The following TRABD2B variants were observed in gnomAD, a reference collection of about 807,000 sequenced individuals.
TRABD2B encodes the protein TraB domain containing 2B.
In TRABD2B, 14 loss-of-function variants were observed where a neutral mutation model predicts 40.1. That is an observed-to-expected ratio of 0.35 (90% confidence interval 0.23 to 0.55). The LOEUF (loss-of-function observed/expected upper bound fraction) is 0.55. Among genes scored for constraint, TRABD2B ranks in the 20% least tolerant of loss-of-function variants. The pLI is 0.90. For synonymous variants in TRABD2B, 263 were observed against 277.0 expected, an observed-to-expected ratio of 0.95 and a Z score of 0.50; for missense variants, 541 against 648.6, an observed-to-expected ratio of 0.83 and a Z score of 1.80.
intron 4 of TRABD2B, among the ~76,000 whole-genome samples, chr1:47,788,374 G>A (rs1217342378): frequency 2.6e-5 from 4 of 152,202 alleles, no homozygotes; most frequent in Non-Finnish European, 5.9e-5. Flanking sequence ...GGGGTCTGCG[G>A]CACTCTAGCT....
At position 47,997,185 on chromosome 1, in the gene TRABD2B, G is replaced by T; in HGVS notation, c.-396C>A. On this transcript the variant is annotated 5_prime_UTR_variant, in exon 1 of 7. Coordinates refer to ENST00000606738, the MANE Select transcript of TRABD2B (RefSeq NM_001194986.2). ...GTCCCGGGGTTATGCTGGGCACCCGGGGCACGCAAGGGTCCCAGGGGTGCG... is the reference window on the plus strand; with the variant it reads ...GTCCCGGGGTTATGCTGGGCACCCGTGGCACGCAAGGGTCCCAGGGGTGCG... 2.0e-6 allele frequency: 2 copies of T among 983,528 alleles called. No individual in the cohort carries two copies. Among genetic ancestry groups the T allele is most frequent in the Non-Finnish European group, 2.4e-6 (2 of 829,206 alleles). The allele number at this position is 983,528 out of a possible 1,614,324, so 60.9% of individuals were successfully genotyped here.
chr1:47,843,390 C>A (rs1456406876), intron 2 of TRABD2B, among the ~76,000 whole-genome samples: 1 of 152,094 alleles, frequency 6.6e-6, no homozygotes, highest in Non-Finnish European at 1.5e-5. Flanking sequence ...GGTCTGCTGA[C>A]CAACTGGACG....
At chr1:47,807,443 G>A (rs1218085905) in intron 2 of TRABD2B, among the ~76,000 whole-genome samples, 14 of 152,212 alleles carry the variant, frequency 9.2e-5, no homozygotes, top group Non-Finnish European at 5.9e-5. Context: ...AACAATGAAG[G>A]CTTGGGTCAT....
At chr1:47,939,888 C>T (rs1233464729) in intron 2 of TRABD2B, among the ~76,000 whole-genome samples, 2 of 152,166 alleles carry the variant, frequency 1.3e-5, no homozygotes, top group Non-Finnish European at 2.9e-5. Context: ...CTGCCTCTAG[C>T]CTCTCCTTTC....
intron 6 of TRABD2B, among the ~76,000 whole-genome samples, chr1:47,772,912 A>T (rs1644395279): frequency 6.6e-6 from 1 of 152,224 alleles, no homozygotes; most frequent in South Asian, 2.1e-4. Context: ...AAGTTAGCCA[A>T]CTGCAATTTA....
intron 2 of TRABD2B, among the ~76,000 whole-genome samples, chr1:47,936,799 T>C (rs1570322132): frequency 1.3e-5 from 2 of 152,180 alleles, no homozygotes; most frequent in Non-Finnish European, 2.9e-5. Context: ...GAATGTTCTA[T>C]GGAATAAGTA....
chr1:47,961,103 A>C (rs1158869673), intron 2 of TRABD2B, among the ~76,000 whole-genome samples: 2 of 152,190 alleles, frequency 1.3e-5, no homozygotes, highest in Non-Finnish European at 1.5e-5. Context: ...CAAAAACAAG[A>C]AATGGGGAAA....
intron 2 of TRABD2B, among the ~76,000 whole-genome samples, chr1:47,881,556 A>G (rs754208541): frequency 5.3e-5 from 8 of 152,210 alleles, no homozygotes; most frequent in Non-Finnish European, 1.0e-4. Flanking sequence ...CTTTACGCTA[A>G]GAAACAAACC....
chr1:47,909,763 T>TC (rs1644732911), intron 2 of TRABD2B, among the ~76,000 whole-genome samples: 5 of 13,802 alleles, frequency 3.6e-4, no homozygotes, highest in Admixed American at 5.5e-4. Flanking sequence ...TCTCCCTCCC[T>TC]CCCTTCCCCT....
intron 2 of TRABD2B, among the ~76,000 whole-genome samples, chr1:47,924,405 G>C (rs1644944498): frequency 6.6e-6 from 1 of 152,176 alleles, no homozygotes; most frequent in Admixed American, 6.5e-5. Flanking sequence ...TACACCTGAT[G>C]CTCAGAACGT....
rs555191915 is a variant in TRABD2B at position 47,776,331 on chromosome 1, A to G, written c.1080-892T>C. Among the ~76,000 whole-genome samples the G allele has an allele frequency of 2.0e-5, 3 of 152,280 alleles. No individual in the cohort carries two copies. The East Asian group carries it at 5.8e-4, about 29-fold the overall frequency. On this transcript the variant is annotated intron_variant, in intron 5 of 6. Transcript: ENST00000606738. ...ACTTGCAAGCCGTGTGATGAAGGGC[A>G]AGTTACTTAATCATATCAAGCAGCA...
At chr1:47,912,925 C>T (rs1644782007) in intron 2 of TRABD2B, among the ~76,000 whole-genome samples, 1 of 152,192 alleles carries the variant, frequency 6.6e-6, no homozygotes, top group Admixed American at 6.5e-5. Context: ...TTCTAGGAAG[C>T]AGCACAGGCC....
chr1:47,964,367 A>G (rs1310495047), intron 2 of TRABD2B, among the ~76,000 whole-genome samples: 1 of 152,214 alleles, frequency 6.6e-6, no homozygotes, highest in African/African-American at 2.4e-5. Flanking sequence ...AAGATCACCA[A>G]TAGACTTGCT....
At chr1:47,990,768 GT>G (rs1248786701) in intron 2 of TRABD2B, among the ~76,000 whole-genome samples, 2 of 44,936 alleles carry the variant, frequency 4.5e-5, no homozygotes, top group East Asian at 1.5e-3. Context: ...TAAAACGTTG[GT>G]TTTATATATA....
intron 2 of TRABD2B, among the ~76,000 whole-genome samples, chr1:47,852,666 C>T (rs1297606102): frequency 1.3e-5 from 2 of 152,180 alleles, no homozygotes; most frequent in African/African-American, 4.8e-5. Flanking sequence ...GTGTTCCAGG[C>T]ACTGGTTACA....
At chr1:47,777,145 C>G (rs1410123452) in intron 5 of TRABD2B, among the ~76,000 whole-genome samples, 7 of 152,286 alleles carry the variant, frequency 4.6e-5, no homozygotes, top group South Asian at 4.1e-4. Context: ...GGCCTGCCTG[C>G]CTCCCCTGCC....
intron 6 of TRABD2B, among the ~76,000 whole-genome samples, chr1:47,772,565 G>A (rs1024998849): frequency 1.3e-5 from 2 of 152,188 alleles, no homozygotes; most frequent in African/African-American, 4.8e-5. Context: ...TGAGCTGGGA[G>A]AGGTGATGGG....
intron 2 of TRABD2B, among the ~76,000 whole-genome samples, chr1:47,855,631 T>C (rs530544306): frequency 1.3e-4 from 20 of 152,352 alleles, no homozygotes; most frequent in African/African-American, 4.6e-4. Flanking sequence ...TGTCCACTGC[T>C]ATGGATGGAA....
chr1:47,802,060 A>G (rs1644830994), intron 2 of TRABD2B, among the ~76,000 whole-genome samples: 1 of 152,222 alleles, frequency 6.6e-6, no homozygotes, highest in African/African-American at 2.4e-5. Flanking sequence ...GTCAAGGCCC[A>G]ACCTAAAGGC....
Sources: allele counts gnomAD v4.1 joint callset (sites outside exome capture counted in the v4.1 genomes callset), GRCh38; gene constraint gnomAD v4.1.1; transcripts MANE v1.5; gene names NCBI Gene and HGNC (gene_info 2026-07-23, HGNC 2026-07-21).